The following SEMA6D variants were observed in gnomAD, a reference collection of about 807,000 sequenced individuals.
SEMA6D encodes semaphorin 6D, also known as semaphorin-6D.
A neutral mutation model predicts 106.6 loss-of-function variants in SEMA6D; 35 were observed. The observed-to-expected ratio is 0.33, with a 90% CI of 0.25 to 0.44. The LOEUF (loss-of-function observed/expected upper bound fraction) is 0.44. Among genes scored for constraint, SEMA6D ranks in the 20% least tolerant of loss-of-function variants. The pLI is 1.00. For synonymous variants in SEMA6D, 499 were observed against 487.7 expected (o/e 1.02, Z -0.31); for missense variants, 1,185 against 1,345.9 (o/e 0.88, Z 1.87).
intron 3 of SEMA6D, among the ~76,000 whole-genome samples, chr15:47,482,941 C>T (rs1475753473): frequency 6.6e-6 from 1 of 152,092 alleles, no homozygotes; most frequent in East Asian, 1.9e-4. Context: ...ATATGTTTGG[C>T]AGCTTGGAAT....
At position 47,284,610 on chromosome 15, in the gene SEMA6D, C is replaced by A. The variant is rs910403642; in HGVS notation, c.-239+100192C>A. On this transcript the variant is annotated intron_variant, in intron 1 of 19. Transcript: ENST00000558014. Reference sequence around the variant, plus strand: ...CAGTTTTCTAAGATAATTACAAAAACTATGTCCTAGTGAATGTGCTACAGA... The same window carrying A: ...CAGTTTTCTAAGATAATTACAAAAAATATGTCCTAGTGAATGTGCTACAGA... Among the ~76,000 whole-genome samples, 12 of 152,282 alleles carry A rather than the reference C, an allele frequency of 7.9e-5. 1 individual carries two copies. Among genetic ancestry groups the A allele is most frequent in the Admixed American group, 6.5e-4 (10 of 15,298 alleles).
chr15:47,303,306 T>G (rs756029580), intron 1 of SEMA6D, among the ~76,000 whole-genome samples: 1 of 152,224 alleles, frequency 6.6e-6, no homozygotes, highest in East Asian at 1.9e-4. Flanking sequence ...TAGGTGTTGG[T>G]GCCTGTATGG....
intron 2 of SEMA6D, among the ~76,000 whole-genome samples, chr15:47,447,226 T>A (rs1237454126): frequency 6.6e-6 from 1 of 152,134 alleles, no homozygotes; most frequent in African/African-American, 2.4e-5. Flanking sequence ...TTGTTTGGAA[T>A]CTTCAAAGTG....
intron 1 of SEMA6D, among the ~76,000 whole-genome samples, chr15:47,270,944 CA>C (rs928916286): frequency 6.7e-5 from 10 of 148,960 alleles, no homozygotes; most frequent in East Asian, 2.0e-4. Flanking sequence ...GACTTCATCT[CA>C]AAAAAAAAAT....
intron 4 of SEMA6D, among the ~76,000 whole-genome samples, chr15:47,622,755 A>G (rs996573182): frequency 1.3e-5 from 2 of 152,070 alleles, no homozygotes; most frequent in Non-Finnish European, 2.9e-5. Context: ...ACATTTTAGC[A>G]TTTGTTCCAC....
At chr15:47,202,956 T>C (rs1894821180) in intron 1 of SEMA6D, among the ~76,000 whole-genome samples, 1 of 152,174 alleles carries the variant, frequency 6.6e-6, no homozygotes, top group South Asian at 2.1e-4. Context: ...GATATCTCTC[T>C]CCAACAACAT....
intron 4 of SEMA6D, among the ~76,000 whole-genome samples, chr15:47,697,349 A>G (rs1023433368): frequency 1.3e-5 from 2 of 152,152 alleles, no homozygotes; most frequent in African/African-American, 4.8e-5. Flanking sequence ...GCTCTCCCAA[A>G]CAGCAAGCCC....
At chr15:47,721,947 C>T (rs576440827) in intron 1 of SEMA6D, among the ~76,000 whole-genome samples, 2 of 152,160 alleles carry the variant, frequency 1.3e-5, no homozygotes, top group Non-Finnish European at 2.9e-5. Flanking sequence ...GGAATCCATC[C>T]GGCTGTGAAC....
chr15:47,467,060 C>T (rs1042958354), intron 2 of SEMA6D, among the ~76,000 whole-genome samples: 2 of 151,788 alleles, frequency 1.3e-5, no homozygotes, highest in Non-Finnish European at 2.9e-5. Flanking sequence ...ACCTTGACAC[C>T]TTTTTCATAA....
intron 3 of SEMA6D, among the ~76,000 whole-genome samples, chr15:47,583,624 A>G (rs2076289242): frequency 6.6e-6 from 1 of 152,164 alleles, no homozygotes; most frequent in Admixed American, 6.5e-5. Flanking sequence ...GGCAATAAAC[A>G]ATGACCAGTT....
chr15:47,259,958 C>G (rs2033991073), intron 1 of SEMA6D, among the ~76,000 whole-genome samples: 1 of 148,584 alleles, frequency 6.7e-6, no homozygotes, highest in Non-Finnish European at 1.5e-5. Flanking sequence ...TTCATTGATT[C>G]TCTCCTGTCA....
chr15:47,330,991 T>A (rs1245560119), intron 1 of SEMA6D, among the ~76,000 whole-genome samples: 1 of 152,222 alleles, frequency 6.6e-6, no homozygotes, highest in African/African-American at 2.4e-5. Flanking sequence ...GTCTTGTTTG[T>A]GTTGCCCTAT....
chr15:47,541,537 A>G (rs2045355494), intron 3 of SEMA6D, among the ~76,000 whole-genome samples: 1 of 152,218 alleles, frequency 6.6e-6, no homozygotes, highest in Admixed American at 6.5e-5. Context: ...AGATGGTGCC[A>G]GAGACACAGG....
chr15:47,674,476 T>C (rs2078202621), intron 4 of SEMA6D, among the ~76,000 whole-genome samples: 1 of 152,230 alleles, frequency 6.6e-6, no homozygotes, highest in Non-Finnish European at 1.5e-5. Flanking sequence ...AATAAACTAT[T>C]CTTTGATTAA....
intron 1 of SEMA6D, among the ~76,000 whole-genome samples, chr15:47,288,661 T>G (rs574932131): frequency 6.6e-5 from 10 of 152,206 alleles, no homozygotes; most frequent in African/African-American, 2.4e-4. Context: ...CATGAATACA[T>G]GAATGAGAGG....
At chr15:47,515,222 G>A (rs2044352402) in intron 3 of SEMA6D, among the ~76,000 whole-genome samples, 1 of 152,082 alleles carries the variant, frequency 6.6e-6, no homozygotes, top group African/African-American at 2.4e-5. Flanking sequence ...TTCTCAAAGA[G>A]GCCTATTAAT....
intron 1 of SEMA6D, among the ~76,000 whole-genome samples, chr15:47,722,289 G>A (rs1226895455): frequency 1.3e-5 from 2 of 152,154 alleles, no homozygotes; most frequent in Non-Finnish European, 2.9e-5. Context: ...TTGAAAAGGG[G>A]AAGAAAGGAA....
At chr15:47,431,423 C>T (rs904285989) in intron 2 of SEMA6D, among the ~76,000 whole-genome samples, 1 of 152,098 alleles carries the variant, frequency 6.6e-6, no homozygotes, top group African/African-American at 2.4e-5. Flanking sequence ...TAGCTTCAAA[C>T]CCAAATCTTT....
intron 4 of SEMA6D, among the ~76,000 whole-genome samples, chr15:47,643,321 G>C (rs1483566164): frequency 6.6e-6 from 1 of 152,194 alleles, no homozygotes. Context: ...CTGATGAACA[G>C]AAGAAAATAT....
Sources: gnomAD v4.1 joint callset for allele counts (sites outside exome capture counted in the v4.1 genomes callset) on GRCh38, gnomAD v4.1.1 for gene constraint, MANE v1.5 for transcripts, NCBI Gene and HGNC (gene_info 2026-07-23, HGNC 2026-07-21) for gene names.